The following MTARC2 variants were observed in gnomAD, a reference collection of about 807,000 sequenced individuals.
The protein encoded by MTARC2 is MOCO sulphurase C-terminal domain containing 2.
MTARC2 carries 27 observed loss-of-function variants against 35.6 expected under a neutral mutation model. The ratio of observed to expected loss-of-function variants is 0.76; its 90% CI spans 0.56 to 1.04. The LOEUF is 1.04. Ranked by LOEUF, MTARC2 falls within the 50% of genes least tolerant of loss-of-function variation. The probability of loss-of-function intolerance (pLI) is 0.00; values close to 1 mark genes in which losing one functional copy is unlikely to be tolerated. For synonymous variants in MTARC2, 158 were observed against 167.1 expected (o/e 0.95, Z 0.42); for missense variants, 412 against 432.5 (o/e 0.95, Z 0.42).
In MTARC2 at chr1:220,782,931, C is replaced by T. The variant is rs553072106; in HGVS notation, c.*32-988C>T. Among the ~76,000 whole-genome samples, 9 of 152,290 alleles carry T rather than the reference C, an allele frequency of 5.9e-5. No individual in the cohort carries two copies. The South Asian group carries it at 1.9e-3, about 32-fold the overall frequency. On this transcript the variant is annotated intron_variant, in intron 7 of 7. Coordinates refer to ENST00000366913, the MANE Select transcript of MTARC2 (RefSeq NM_017898.5). Reference sequence around the variant, plus strand: ...ATTCATATAAAGTTGCGCTGCAACACAAATAAAGTGCTCAGTAAATATCAG... The same window carrying T: ...ATTCATATAAAGTTGCGCTGCAACATAAATAAAGTGCTCAGTAAATATCAG...
In MTARC2 at chr1:220,755,092, C is replaced by T. The variant is rs900065211; in HGVS notation, c.418C>T (p.Pro140Ser). 2 of 1,610,606 alleles carry T rather than the reference C, an allele frequency of 1.2e-6. No homozygotes were observed. The highest frequency in any genetic ancestry group is 2.7e-5 in the African/African-American group (2 of 74,740). ...CCAGCTGGTTTTGCCTAGCAAGCAGCCTTCCTCAAACAAACTCCACAACTG... is the reference window on the plus strand; with the variant it reads ...CCAGCTGGTTTTGCCTAGCAAGCAGTCTTCCTCAAACAAACTCCACAACTG... ...MDQLVLPSKQ[P>S]SSNKLHNCRI... The change falls in exon 2 of 8, where the codon CCT (proline) becomes TCT (serine). Residue 140 changes from proline to serine, a missense_variant. Pro to Ser is a moderately conservative substitution (Grantham distance 74, BLOSUM62 -1). Transcript: ENST00000366913.
chr1:220,762,793 C>A, intron 3 of MTARC2, 117 bp from the exon 4 acceptor site: 2 of 1,096,462 alleles, frequency 1.8e-6, no homozygotes, highest in Non-Finnish European at 2.7e-6. Flanking sequence ...CCTTCCTGAA[C>A]ACTGCTCCCC....
intron 4 of MTARC2, 133 bp downstream of exon 4, chr1:220,763,183 A>ATTGC: frequency 1.6e-6 from 2 of 1,279,506 alleles, no homozygotes; most frequent in South Asian, 2.6e-5. Context: ...GCCATCACTC[A>ATTGC]TTGCTTGCGG....
intron 1 of MTARC2, among the ~76,000 whole-genome samples, chr1:220,750,695 C>T (rs1671103522): frequency 6.6e-6 from 1 of 152,142 alleles, no homozygotes; most frequent in Non-Finnish European, 1.5e-5. Flanking sequence ...CATAGATTAG[C>T]ATATTTAAAC....
intron 4 of MTARC2, chr1:220,770,262 C>A: frequency 3.5e-6 from 1 of 289,272 alleles, no homozygotes; most frequent in Non-Finnish European, 5.2e-6. Flanking sequence ...TAGTTTATCC[C>A]TGCCCCTGAG....
intron 4 of MTARC2, among the ~76,000 whole-genome samples, chr1:220,769,934 CAAAAAAAAAAAA>C (rs57739324): frequency 1.6e-5 from 1 of 63,426 alleles, no homozygotes; most frequent in East Asian, 6.9e-4. Flanking sequence ...ACTAAAAATA[CAAAAAAAAAAAA>C]AAAAAAAAAA....
intron 1 of MTARC2, among the ~76,000 whole-genome samples, chr1:220,752,108 A>AC (rs1671139414): frequency 1.3e-5 from 2 of 152,302 alleles, no homozygotes; most frequent in Admixed American, 6.5e-5. Context: ...CCCACTGTTA[A>AC]CCTCAGCAGT....
intron 4 of MTARC2, among the ~76,000 whole-genome samples, chr1:220,771,028 G>A (rs113139976): frequency 0.018 from 2,694 of 152,228 alleles, 98 homozygotes; most frequent in African/African-American, 0.062. Flanking sequence ...TCCAGGCTCC[G>A]TGGCTCACGC....
intron 2 of MTARC2, among the ~76,000 whole-genome samples, chr1:220,760,040 C>T (rs974414504): frequency 2.6e-5 from 4 of 152,100 alleles, no homozygotes; most frequent in Non-Finnish European, 5.9e-5. Flanking sequence ...GCAAGCCCTT[C>T]CCATGGTAGA....
intron 4 of MTARC2, among the ~76,000 whole-genome samples, chr1:220,775,908 T>G (rs1042048677): frequency 6.6e-6 from 1 of 152,248 alleles, no homozygotes; most frequent in Non-Finnish European, 1.5e-5. Flanking sequence ...ATACCACATT[T>G]TCTTTATCCA....
chr1:220,773,087 C>G (rs1484944127), intron 4 of MTARC2, among the ~76,000 whole-genome samples: 1 of 152,032 alleles, frequency 6.6e-6, no homozygotes, highest in African/African-American at 2.4e-5. Context: ...TGTCCCTAGA[C>G]AGCTTTGGTA....
intron 4 of MTARC2, among the ~76,000 whole-genome samples, chr1:220,765,931 C>T (rs993433001): frequency 9.2e-5 from 14 of 152,170 alleles, no homozygotes; most frequent in African/African-American, 2.7e-4. Context: ...CTGAAACCTA[C>T]ATGAGCATTG....
intron 4 of MTARC2, among the ~76,000 whole-genome samples, chr1:220,774,596 G>A (rs1671840036): frequency 6.6e-6 from 1 of 152,206 alleles, no homozygotes; most frequent in Non-Finnish European, 1.5e-5. Flanking sequence ...GAAGGGGCTG[G>A]GATGGTGGTG....
At chr1:220,755,272 C>T (rs1406395169) in intron 2 of MTARC2, 152 bp downstream of exon 2, 3 of 789,796 alleles carry the variant, frequency 3.8e-6, no homozygotes, top group Non-Finnish European at 5.7e-6. Flanking sequence ...TGGGATTGGG[C>T]ATGAGTGGAT....
chr1:220,765,888 C>CT, intron 4 of MTARC2, among the ~76,000 whole-genome samples: 1 of 152,198 alleles, frequency 6.6e-6, no homozygotes, highest in Non-Finnish European at 1.5e-5. Context: ...AGCTAAGAGT[C>CT]TTTTTTCTAA....
At chr1:220,762,867 T>C (rs768449637) in intron 3 of MTARC2, 43 bp from the exon 4 acceptor site, 1 of 1,610,506 alleles carries the variant, frequency 6.2e-7, no homozygotes, top group South Asian at 1.1e-5. Flanking sequence ...TCTAGGCCAT[T>C]TTGTGGAGTG....
At chr1:220,767,688 C>T (rs377038046) in intron 4 of MTARC2, among the ~76,000 whole-genome samples, 2 of 152,174 alleles carry the variant, frequency 1.3e-5, no homozygotes, top group African/African-American at 4.8e-5. Flanking sequence ...TTGTATCAGT[C>T]CTCACTCCAC....
At chr1:220,773,332 C>G (rs1239322893) in intron 4 of MTARC2, among the ~76,000 whole-genome samples, 1 of 152,162 alleles carries the variant, frequency 6.6e-6, no homozygotes, top group Non-Finnish European at 1.5e-5. Flanking sequence ...GGTGGTGCAC[C>G]CGGAGAGGGC....
intron 4 of MTARC2, among the ~76,000 whole-genome samples, chr1:220,767,384 T>C (rs1671608106): frequency 6.6e-6 from 1 of 152,248 alleles, no homozygotes; most frequent in Non-Finnish European, 1.5e-5. Context: ...CATCATTTAT[T>C]GCAAAAACAC....
Sources: allele counts gnomAD v4.1 joint callset (sites outside exome capture counted in the v4.1 genomes callset), GRCh38; gene constraint gnomAD v4.1.1; transcripts MANE v1.5; gene names NCBI Gene and HGNC (gene_info 2026-07-23, HGNC 2026-07-21).